Variants in TMEM182 observed in about 807,000 individuals in gnomAD.
TMEM182 encodes transmembrane protein 182.
In TMEM182, 20 loss-of-function variants were observed where a neutral mutation model predicts 26.8. That is an observed-to-expected ratio of 0.75 (90% CI 0.53 to 1.09). The LOEUF (loss-of-function observed/expected upper bound fraction) is 1.09, where lower values mean the gene tolerates loss of function less well. TMEM182 is among the 50% of genes least tolerant of loss of function. The pLI, the probability that TMEM182 is intolerant of heterozygous loss-of-function variation, is 0.00. For missense variants in TMEM182, 277 were observed against 275.5 expected (o/e 1.01, Z -0.04); for synonymous variants, 109 against 102.2 (o/e 1.07, Z -0.40).
downstream of TMEM182, among the ~76,000 whole-genome samples, chr2:102,821,449 G>A (rs936599278): frequency 2.0e-4 from 30 of 152,100 alleles, no homozygotes; most frequent in African/African-American, 7.0e-4. Context: ...ACTCTCTCTT[G>A]CTCCCGCTCA....
chr2:102,765,557 A>G (rs1680398366), intron 3 of TMEM182, among the ~76,000 whole-genome samples: 1 of 152,210 alleles, frequency 6.6e-6, no homozygotes, highest in African/African-American at 2.4e-5. Context: ...CCTAGTGGAT[A>G]TATAACAATA....
chr2:102,787,930 A>G (rs1324241414), intron 3 of TMEM182, among the ~76,000 whole-genome samples: 2 of 152,222 alleles, frequency 1.3e-5, no homozygotes, highest in Non-Finnish European at 2.9e-5. Context: ...GGGCTAAGCC[A>G]TTGCCTGACT....
chr2:102,777,881 T>C (rs1377943962), intron 3 of TMEM182, among the ~76,000 whole-genome samples: 1 of 151,880 alleles, frequency 6.6e-6, no homozygotes, highest in African/African-American at 2.4e-5. Context: ...ATAATCCATA[T>C]AATTTCAATT....
At chr2:102,757,237 C>A (rs2540307), upstream of TMEM182, among the ~76,000 whole-genome samples, 73,052 of 151,730 alleles carry the variant, frequency 0.48, 18,275 homozygotes, top group African/African-American at 0.63. Flanking sequence ...CTACTCAGCC[C>A]CTTTGCCTCC....
At chr2:102,748,285 A>G (rs892394861) in intron 1 of TMEM182, among the ~76,000 whole-genome samples, 1 of 152,230 alleles carries the variant, frequency 6.6e-6, no homozygotes, top group Admixed American at 6.5e-5. Flanking sequence ...GCCCTTGATC[A>G]GCTGGTTCTC....
At chr2:102,806,536 C>T (rs142987213) in intron 4 of TMEM182, among the ~76,000 whole-genome samples, 3 of 152,238 alleles carry the variant, frequency 2.0e-5, no homozygotes, top group Admixed American at 6.5e-5. Context: ...GACACCACAG[C>T]GAGTTTATTC....
intron 3 of TMEM182, among the ~76,000 whole-genome samples, chr2:102,782,151 C>T (rs1322308330): frequency 2.0e-5 from 3 of 151,908 alleles, no homozygotes; most frequent in Non-Finnish European, 4.4e-5. Context: ...ACTAAAAATA[C>T]AAAAATTAGT....
upstream of TMEM182, among the ~76,000 whole-genome samples, chr2:102,760,713 C>T (rs1490537817): frequency 5.3e-5 from 8 of 152,072 alleles, no homozygotes; most frequent in Non-Finnish European, 8.8e-5. Flanking sequence ...CTCCCGGGTT[C>T]AAGCGTTTCT....
intron 3 of TMEM182, among the ~76,000 whole-genome samples, chr2:102,780,471 G>T (rs1681120170): frequency 6.6e-6 from 1 of 152,142 alleles, no homozygotes. Flanking sequence ...CATAGCTTCT[G>T]CTGACAAAGG....
At chr2:102,841,881 C>T (rs1683358705) in intron 3 of TMEM182, among the ~76,000 whole-genome samples, 1 of 152,180 alleles carries the variant, frequency 6.6e-6, no homozygotes, top group South Asian at 2.1e-4. Flanking sequence ...GTGTATGTTA[C>T]TTTGGACAAT....
chr2:102,805,988 C>T (rs547194121), intron 4 of TMEM182, among the ~76,000 whole-genome samples: 2 of 152,104 alleles, frequency 1.3e-5, no homozygotes, highest in Non-Finnish European at 2.9e-5. Flanking sequence ...TTTCCATAAG[C>T]TTTATTCTCC....
At chr2:102,842,349 G>A (rs775925775) in intron 3 of TMEM182, among the ~76,000 whole-genome samples, 8 of 152,016 alleles carry the variant, frequency 5.3e-5, no homozygotes, top group Admixed American at 6.6e-5. Flanking sequence ...ACTATCTTCC[G>A]TATCTAAACA....
intron 3 of TMEM182, among the ~76,000 whole-genome samples, chr2:102,832,325 A>G (rs1314826444): frequency 1.3e-5 from 2 of 152,158 alleles, no homozygotes; most frequent in African/African-American, 4.8e-5. Context: ...TTCTACTGGG[A>G]TTGTAAATCA....
At chr2:102,761,743 T>A (rs1021063335), upstream of TMEM182, among the ~76,000 whole-genome samples, 3 of 152,212 alleles carry the variant, frequency 2.0e-5, no homozygotes, top group African/African-American at 7.2e-5. Flanking sequence ...GTCTTTGGGA[T>A]TGTAATGGGC....
chr2:102,793,897 A>G (rs980575702), intron 3 of TMEM182, among the ~76,000 whole-genome samples: 68 of 152,170 alleles, frequency 4.5e-4, no homozygotes, highest in African/African-American at 1.6e-3. Context: ...TGATAATGCA[A>G]TCTTGATAAT....
chr2:102,783,365 G>A (rs1215639912), intron 3 of TMEM182, among the ~76,000 whole-genome samples: 1 of 152,238 alleles, frequency 6.6e-6, no homozygotes, highest in South Asian at 2.1e-4. Context: ...CTACATGCTG[G>A]GACTCTAAGC....
At chr2:102,756,159 G>GAGAAAT (rs1389740896) in intron 1 of TMEM182, among the ~76,000 whole-genome samples, 6 of 152,242 alleles carry the variant, frequency 3.9e-5, no homozygotes, top group Admixed American at 6.5e-5. Context: ...AACACCTGGT[G>GAGAAAT]AGAAATTAGT....
chr2:102,793,799 C>T (rs745533617), intron 3 of TMEM182, among the ~76,000 whole-genome samples: 5 of 152,068 alleles, frequency 3.3e-5, no homozygotes, highest in African/African-American at 4.8e-5. Flanking sequence ...TCCACAGATG[C>T]AAAACCCAGA....
intron 3 of TMEM182, among the ~76,000 whole-genome samples, chr2:102,785,301 C>G (rs1681342073): frequency 6.6e-6 from 1 of 152,140 alleles, no homozygotes; most frequent in South Asian, 2.1e-4. Context: ...TCCCACTCTC[C>G]CCTTTAAGAA....
Sources: allele counts gnomAD v4.1 joint callset (sites outside exome capture counted in the v4.1 genomes callset), GRCh38; gene constraint gnomAD v4.1.1; transcripts MANE v1.5; gene names NCBI Gene and HGNC (gene_info 2026-07-23, HGNC 2026-07-21).